Variants in LIPC observed in about 807,000 individuals in gnomAD.
The protein encoded by LIPC is hepatic triacylglycerol lipase.
LIPC carries 44 observed loss-of-function variants against 50.7 expected under a neutral mutation model. The ratio of observed to expected loss-of-function variants is 0.87; its 90% CI spans 0.68 to 1.11. The LOEUF (loss-of-function observed/expected upper bound fraction) is 1.11. Among genes scored for constraint, LIPC ranks in the 50% most tolerant of loss-of-function variants. The probability of loss-of-function intolerance (pLI) is 0.00; values close to 1 mark genes in which losing one functional copy is unlikely to be tolerated. For missense variants in LIPC, 697 were observed against 648.2 expected (o/e 1.08, Z -0.82); for synonymous variants, 271 against 256.4 (o/e 1.06, Z -0.54).
At chr15:58,558,148 C>T (rs1894022926) in intron 6 of LIPC, among the ~76,000 whole-genome samples, 1 of 151,950 alleles carries the variant, frequency 6.6e-6, no homozygotes, top group Non-Finnish European at 1.5e-5. Flanking sequence ...TCTCAGCTCA[C>T]TGCAACCTCT....
intron 1 of LIPC, among the ~76,000 whole-genome samples, chr15:58,478,514 A>G: frequency 6.6e-6 from 1 of 152,190 alleles, no homozygotes. Flanking sequence ...TGCTAGGATT[A>G]TAAGCATGAG....
At chr15:58,484,038 C>A (rs1455482117) in intron 1 of LIPC, among the ~76,000 whole-genome samples, 2 of 152,146 alleles carry the variant, frequency 1.3e-5, no homozygotes, top group African/African-American at 4.8e-5. Flanking sequence ...AATCTACCAA[C>A]AGTGTTCAGT....
intron 1 of LIPC, among the ~76,000 whole-genome samples, chr15:58,492,776 C>T (rs1226706151): frequency 5.9e-5 from 9 of 152,178 alleles, no homozygotes; most frequent in Non-Finnish European, 1.3e-4. Flanking sequence ...CACCCCCCTC[C>T]TTAAACCCAA....
chr15:58,459,561 G>A (rs182051858), intron 1 of LIPC, among the ~76,000 whole-genome samples: 3 of 152,106 alleles, frequency 2.0e-5, no homozygotes, highest in Non-Finnish European at 2.9e-5. Context: ...AAAAATAAAC[G>A]AGAGAGAGTC....
In LIPC at chr15:58,548,551, C is replaced by T. The variant is rs1395468412; in HGVS notation, c.1030C>T (p.Arg344Ter). ...GAGCAAGAGGCTCTTCCTCGTAACG[C>T]GAGCCCAGTCCCCCTTCAAAGGTGA... is the stretch of plus-strand genomic sequence containing the variant. ...SKSKRLFLVTRAQSPFKVYHY... is the reference protein window; with the variant it reads ...SKSKRLFLVT Residue 344 changes from arginine (R) to a stop codon, truncating the protein, a stop_gained, in exon 6 of 9, where the codon CGA becomes TGA. Transcript: ENST00000299022. LOFTEE classifies it high-confidence loss of function. 5.7e-6 allele frequency: 9 copies of T among 1,592,306 alleles called. No homozygotes were observed. The highest frequency in any genetic ancestry group is 4.0e-5 in the African/African-American group (3 of 74,762).
At chr15:58,567,115 T>A (rs1186463960) in intron 8 of LIPC, among the ~76,000 whole-genome samples, 5 of 149,686 alleles carry the variant, frequency 3.3e-5, no homozygotes, top group African/African-American at 9.9e-5. Flanking sequence ...GGCAAAGGAA[T>A]CGCTTGAACC....
intron 1 of LIPC, among the ~76,000 whole-genome samples, chr15:58,449,255 C>G (rs1258165927): frequency 1.3e-5 from 2 of 152,208 alleles, no homozygotes; most frequent in Non-Finnish European, 2.9e-5. Context: ...AGCATGTTGG[C>G]AGCCATCGAT....
chr15:58,525,534 A>G (rs1478110743), intron 1 of LIPC, among the ~76,000 whole-genome samples: 2 of 152,212 alleles, frequency 1.3e-5, no homozygotes, highest in Non-Finnish European at 1.5e-5. Flanking sequence ...CCAGGGAAAG[A>G]GGCAAGCACA....
chr15:58,537,016 A>T (rs8035006), intron 1 of LIPC, among the ~76,000 whole-genome samples: 83,259 of 152,024 alleles, frequency 0.55, 24,503 homozygotes, highest in Non-Finnish European at 0.68. Context: ...TCCTTATTAA[A>T]TGGGCTGAAT....
chr15:58,471,205 C>T (rs536040046), intron 1 of LIPC, among the ~76,000 whole-genome samples: 6 of 140,998 alleles, frequency 4.3e-5, no homozygotes, highest in South Asian at 2.3e-4. Flanking sequence ...GGTGTCATCT[C>T]GGTTCACTGC....
At chr15:58,565,236 G>T in intron 8 of LIPC, 3 of 1,535,720 alleles carry the variant, frequency 2.0e-6, no homozygotes, top group Non-Finnish European at 2.6e-6. Context: ...TCTGCACTGA[G>T]CTCTTCTCAC....
intron 1 of LIPC, among the ~76,000 whole-genome samples, chr15:58,500,459 G>A (rs1223561303): frequency 6.6e-6 from 1 of 152,144 alleles, no homozygotes; most frequent in African/African-American, 2.4e-5. Context: ...ATAATCCATT[G>A]CCATTTAACC....
intron 1 of LIPC, among the ~76,000 whole-genome samples, chr15:58,533,704 T>C (rs1168912080): frequency 1.3e-5 from 2 of 152,174 alleles, no homozygotes; most frequent in African/African-American, 4.8e-5. Flanking sequence ...ATGATCTCAA[T>C]TATACACACT....
chr15:58,507,938 G>A (rs1043351701), intron 1 of LIPC, among the ~76,000 whole-genome samples: 21 of 152,160 alleles, frequency 1.4e-4, no homozygotes, highest in African/African-American at 5.1e-4. Context: ...CAATGGCCAT[G>A]GACGAAGTCT....
At chr15:58,562,309 G>T (rs10851637) in intron 7 of LIPC, among the ~76,000 whole-genome samples, 1 of 152,078 alleles carries the variant, frequency 6.6e-6, no homozygotes, top group Non-Finnish European at 1.5e-5. Context: ...GGCCCCACTA[G>T]GGCCTGCAGT....
In LIPC at chr15:58,550,430, C is replaced by A. The variant is rs571080897; in HGVS notation, c.1051+1858C>A. 2.6e-5 allele frequency among the ~76,000 whole-genome samples: 4 copies of A among 152,314 alleles called. 1 individual carries two copies. In the Middle Eastern group the frequency reaches 0.014, roughly 518 times the overall value. ...TAGGCATGAACCAGGCTGAGCTTCTCCCATTTGCCAACGGCCCCACTGCCC... is the reference window on the plus strand; with the variant it reads ...TAGGCATGAACCAGGCTGAGCTTCTACCATTTGCCAACGGCCCCACTGCCC... On this transcript the variant is annotated intron_variant, in intron 6 of 8. Coordinates refer to ENST00000299022, the MANE Select transcript of LIPC (RefSeq NM_000236.3).
At chr15:58,523,719 G>A (rs1892720669) in intron 1 of LIPC, among the ~76,000 whole-genome samples, 1 of 152,102 alleles carries the variant, frequency 6.6e-6, no homozygotes, top group Non-Finnish European at 1.5e-5. Flanking sequence ...AGGAGTTTGA[G>A]ACCAGCCTGA....
chr15:58,452,964 G>A (rs959248710), intron 1 of LIPC, among the ~76,000 whole-genome samples: 4 of 152,190 alleles, frequency 2.6e-5, no homozygotes, highest in Non-Finnish European at 5.9e-5. Flanking sequence ...CCCTATCGGT[G>A]TGAGCCCAGC....
chr15:58,555,304 G>A (rs1356575785), intron 6 of LIPC, among the ~76,000 whole-genome samples: 1 of 152,216 alleles, frequency 6.6e-6, no homozygotes, highest in Non-Finnish European at 1.5e-5. Context: ...TTAGGGGACA[G>A]GAGAGCGTCC....
Sources: allele counts gnomAD v4.1 joint callset (sites outside exome capture counted in the v4.1 genomes callset), GRCh38; gene constraint gnomAD v4.1.1; transcripts MANE v1.5; gene names NCBI Gene and HGNC (gene_info 2026-07-23, HGNC 2026-07-21).